The following PCDH9 variants were observed in gnomAD, a reference collection of about 807,000 sequenced individuals.
PCDH9 encodes the protein protocadherin-9.
A neutral mutation model predicts 70.6 loss-of-function variants in PCDH9; 24 were observed. The ratio of observed to expected loss-of-function variants is 0.34; its 90% confidence interval spans 0.25 to 0.48. The LOEUF is 0.48. Ranked by LOEUF, PCDH9 falls within the 20% of genes least tolerant of loss-of-function variation. The pLI, the probability that PCDH9 is intolerant of heterozygous loss-of-function variation, is 0.99. For missense variants in PCDH9, 1,281 were observed against 1,503.6 expected, an observed-to-expected ratio of 0.85 and a Z score of 2.45; for synonymous variants, 562 against 558.5, an observed-to-expected ratio of 1.01 and a Z score of -0.09.
intron 3 of PCDH9, among the ~76,000 whole-genome samples, chr13:66,738,907 A>T (rs1350698401): frequency 6.8e-6 from 1 of 147,346 alleles, no homozygotes; most frequent in African/African-American, 2.5e-5. Context: ...ACCAAGTTGG[A>T]AAACACTCTA....
chr13:66,535,154 A>G (rs1960644630), intron 4 of PCDH9, among the ~76,000 whole-genome samples: 1 of 152,128 alleles, frequency 6.6e-6, no homozygotes, highest in African/African-American at 2.4e-5. Context: ...TAAAGTAACA[A>G]CAATTTTTAA....
At chr13:66,765,497 A>G (rs1225844706) in intron 3 of PCDH9, among the ~76,000 whole-genome samples, 2 of 151,946 alleles carry the variant, frequency 1.3e-5, no homozygotes, top group Non-Finnish European at 2.9e-5. Context: ...TTGCTTTCTC[A>G]TGAATAGAGA....
At chr13:67,020,876 C>G (rs569304612) in intron 2 of PCDH9, among the ~76,000 whole-genome samples, 2 of 151,998 alleles carry the variant, frequency 1.3e-5, no homozygotes, top group Non-Finnish European at 2.9e-5. Flanking sequence ...ATTTTGAGCC[C>G]ACAAATCTGA....
intron 2 of PCDH9, among the ~76,000 whole-genome samples, chr13:67,164,478 A>G (rs1296083499): frequency 1.3e-5 from 2 of 151,322 alleles, no homozygotes. Flanking sequence ...GGGAGGCTGA[A>G]GCAGAGAATT....
chr13:66,538,255 G>A (rs1391614698), intron 4 of PCDH9, among the ~76,000 whole-genome samples: 2 of 152,054 alleles, frequency 1.3e-5, no homozygotes, highest in Admixed American at 6.6e-5. Flanking sequence ...ATTAAGACTG[G>A]GGAAACATCT....
chr13:67,220,107 G>A (rs938177013), intron 2 of PCDH9: 1 of 151,394 alleles, frequency 6.6e-6, no homozygotes, highest in African/African-American at 2.4e-5. Context: ...CAACTGTAAC[G>A]TTCAGCATTT....
At chr13:66,985,074 C>T (rs1264758104) in intron 2 of PCDH9, among the ~76,000 whole-genome samples, 7 of 152,052 alleles carry the variant, frequency 4.6e-5, no homozygotes, top group Admixed American at 3.9e-4. Context: ...CACAATTCAG[C>T]TCTCATCCTC....
chr13:66,870,478 G>A (rs1260004992), intron 3 of PCDH9, among the ~76,000 whole-genome samples: 2 of 151,906 alleles, frequency 1.3e-5, no homozygotes, highest in East Asian at 1.9e-4. Context: ...AAATTCTTGC[G>A]ACCTACTCTT....
chr13:66,449,904 T>A (rs1681557683), intron 4 of PCDH9, among the ~76,000 whole-genome samples: 1 of 152,176 alleles, frequency 6.6e-6, no homozygotes, highest in South Asian at 2.1e-4. Flanking sequence ...AGAGACCTTT[T>A]AATGCCTAGA....
At chr13:67,194,761 T>C (rs1356297171) in intron 2 of PCDH9, among the ~76,000 whole-genome samples, 1 of 152,184 alleles carries the variant, frequency 6.6e-6, no homozygotes, top group African/African-American at 2.4e-5. Context: ...TTTAATTTAC[T>C]CTAGGAGAAC....
At chr13:66,578,831 C>A (rs1593716255) in intron 4 of PCDH9, among the ~76,000 whole-genome samples, 3 of 152,118 alleles carry the variant, frequency 2.0e-5, no homozygotes, top group African/African-American at 7.2e-5. Flanking sequence ...TGGGAGCCAA[C>A]TGAGTTCACC....
chr13:67,074,445 T>C (rs1402069464), intron 2 of PCDH9, among the ~76,000 whole-genome samples: 3 of 152,160 alleles, frequency 2.0e-5, no homozygotes, highest in Non-Finnish European at 2.9e-5. Context: ...TTAAGCTACC[T>C]GCTCTACGGT....
rs182342079 is a variant in PCDH9 at position 66,872,365 on chromosome 13, A to G, written c.3138+31139T>C. On this transcript the variant is annotated intron_variant, in intron 3 of 4. Coordinates refer to ENST00000377865, the MANE Select transcript of PCDH9 (RefSeq NM_203487.3). ...CCAGAATTTTCACATGCCCTTTTCA[A>G]TTCTAATTTTGATGGATAAAGTTGA... Among the ~76,000 whole-genome samples the G allele has an allele frequency of 5.2e-3, 787 of 152,224 alleles. 4 individuals are homozygous for G. The highest frequency in any genetic ancestry group is 5.8e-3 in the Non-Finnish European group (396 of 67,970).
chr13:66,523,116 G>T (rs1960070735), intron 4 of PCDH9, among the ~76,000 whole-genome samples: 1 of 151,964 alleles, frequency 6.6e-6, no homozygotes, highest in African/African-American at 2.4e-5. Flanking sequence ...GTTCAAGAAA[G>T]AATCATCAGC....
intron 4 of PCDH9, among the ~76,000 whole-genome samples, chr13:66,343,452 T>C (rs1446178807): frequency 2.0e-5 from 3 of 152,216 alleles, no homozygotes; most frequent in Admixed American, 6.5e-5. Flanking sequence ...GGTCCCTGTT[T>C]CCTTGCTCTT....
At chr13:67,159,596 G>A (rs1256889784) in intron 2 of PCDH9, among the ~76,000 whole-genome samples, 3 of 152,114 alleles carry the variant, frequency 2.0e-5, no homozygotes. Flanking sequence ...AAAATAAAAT[G>A]TTACTTGAGA....
At chr13:66,732,784 G>T (rs2079094971) in intron 3 of PCDH9, among the ~76,000 whole-genome samples, 1 of 151,816 alleles carries the variant, frequency 6.6e-6, no homozygotes, top group South Asian at 2.1e-4. Flanking sequence ...TGAAAAATTA[G>T]ACTATTAAGA....
At position 66,779,849 on chromosome 13, in the gene PCDH9, C is replaced by CTCTATATATA. The variant is rs1395244975; in HGVS notation, c.3138+123654_3138+123655insTATATATAGA. Among the ~76,000 whole-genome samples, 354 of 78,882 alleles carry CTCTATATATA rather than the reference C, an allele frequency of 4.5e-3. 7 individuals carry two copies. The highest frequency in any genetic ancestry group is 0.011 in the South Asian group (16 of 1,514). The allele number at this position is 78,882 out of a possible 152,430, so 51.7% of individuals were successfully genotyped here. A position where few individuals can be genotyped will look rare whatever the true frequency, so the allele number is the denominator to read the frequency against. ...TCTCTCTCTCTCTCTCTCTCTCTCT[C>CTCTATATATA]TATATATATATATATATACATATAT... On this transcript the variant is annotated intron_variant, in intron 3 of 4. Transcript: ENST00000377865.
intron 3 of PCDH9, among the ~76,000 whole-genome samples, chr13:66,710,022 G>T (rs1184443430): frequency 6.6e-6 from 1 of 151,882 alleles, no homozygotes; most frequent in African/African-American, 2.4e-5. Flanking sequence ...AGACAGTTGA[G>T]GGTTAAAAAT....
Sources: allele counts gnomAD v4.1 joint callset (sites outside exome capture counted in the v4.1 genomes callset), GRCh38; gene constraint gnomAD v4.1.1; transcripts MANE v1.5; gene names NCBI Gene and HGNC (gene_info 2026-07-23, HGNC 2026-07-21).